FSIP1: variants seen among roughly 807,000 people sequenced by gnomAD.
The protein encoded by FSIP1 is fibrous sheath interacting protein 1.
In FSIP1, 65 loss-of-function variants were observed where a neutral mutation model predicts 60.9. That is an observed-to-expected ratio of 1.07 (90% CI 0.87 to 1.31). FSIP1 has a LOEUF of 1.31. Ranked by LOEUF, FSIP1 falls within the 40% of genes most tolerant of loss-of-function variation. The pLI is 0.00. For missense variants in FSIP1, 675 were observed against 665.5 expected (o/e 1.01, Z -0.16); for synonymous variants, 209 against 221.2 (o/e 0.94, Z 0.49).
Position 39,726,232 on chromosome 15 carries a change from A to G in FSIP1, c.1050+357T>C, listed in dbSNP as rs115006678. 3.4e-3 allele frequency among the ~76,000 whole-genome samples: 511 copies of G among 152,288 alleles called. 3 individuals carry two copies. The highest frequency in any genetic ancestry group is 0.012 in the African/African-American group (478 of 41,548). On this transcript the variant is annotated intron_variant, in intron 9 of 11. Transcript: ENST00000350221. ...AAAAGAATGTGGTGGAGTAAGGGAC[A>G]ATGGCTGTCATTGCTAATACCTAGT...
chr15:39,680,074 T>C (rs1189985287), intron 10 of FSIP1, among the ~76,000 whole-genome samples: 1 of 152,130 alleles, frequency 6.6e-6, no homozygotes, highest in African/African-American at 2.4e-5. Context: ...ATGCCAGTGA[T>C]AGAACTGGGG....
chr15:39,712,238 A>G (rs1163081927), intron 10 of FSIP1, among the ~76,000 whole-genome samples: 1 of 152,150 alleles, frequency 6.6e-6, no homozygotes, highest in Non-Finnish European at 1.5e-5. Context: ...AGGGCAGTTC[A>G]GCTGGGCTTG....
In FSIP1 at chr15:39,776,445, G is replaced by C; in HGVS notation, c.80C>G (p.Ser27Ter). ...NSRIRPGSRS[S>*]NASLEVLSTE... ...TGAGAGCACCTCCAAAGAAGCATTT[G>C]AACTTCTGCTCCCAGGGCGTATTCT... The change falls in exon 2 of 12, where the codon TCA (serine) becomes TGA (stop). Residue 27 changes from serine (S) to a stop codon, truncating the protein, a stop_gained. Transcript: ENST00000350221. LOFTEE classifies it high-confidence loss of function. 1 of 1,613,738 alleles carries C rather than the reference G, an allele frequency of 6.2e-7. No individual in the cohort carries two copies. The highest frequency in any genetic ancestry group is 1.3e-5 in the African/African-American group (1 of 75,028).
At chr15:39,750,219 G>A (rs1022066279) in intron 5 of FSIP1, among the ~76,000 whole-genome samples, 1 of 151,822 alleles carries the variant, frequency 6.6e-6, no homozygotes, top group African/African-American at 2.4e-5. Context: ...ATTCAATATT[G>A]TGATAATGTC....
intron 9 of FSIP1, among the ~76,000 whole-genome samples, chr15:39,715,788 A>G (rs1073675): frequency 0.12 from 18,880 of 152,042 alleles, 1,394 homozygotes; most frequent in African/African-American, 0.2. Flanking sequence ...ATCCCTCAGT[A>G]CTGCTCTCAT....
intron 10 of FSIP1, among the ~76,000 whole-genome samples, chr15:39,695,405 A>C (rs1374332052): frequency 1.3e-5 from 2 of 151,834 alleles, no homozygotes; most frequent in South Asian, 4.2e-4. Flanking sequence ...TTTTCTTGCC[A>C]AAGTATCACA....
chr15:39,725,786 A>AT (rs201621001), intron 9 of FSIP1, among the ~76,000 whole-genome samples: 3,747 of 143,444 alleles, frequency 0.026, 105 homozygotes, highest in African/African-American at 0.072. Context: ...CTTCTACCAG[A>AT]TTTTTTTTTT....
chr15:39,653,667 T>C (rs1892962868), intron 10 of FSIP1, among the ~76,000 whole-genome samples: 1 of 152,180 alleles, frequency 6.6e-6, no homozygotes, highest in Admixed American at 6.5e-5. Context: ...TCCCATGATG[T>C]TCTCATAACA....
At chr15:39,598,683 A>G (rs1191834511), downstream of FSIP1, 1 of 152,198 alleles carries the variant, frequency 6.6e-6, no homozygotes, top group African/African-American at 2.4e-5. Context: ...ACTTGTTAAA[A>G]ATTAAAATTA....
rs1456404585 is a variant in FSIP1 at position 39,600,891 on chromosome 15, T to C, written c.1735A>G (p.Lys579Glu). The part of the protein sequence containing the change: ...QETKDAAEEC[K>E]EP ...CAGCAAGTCCTTGATTAGGGTTCTT[T>C]ACATTCTTCTGCTGCATCTTTAGTC... Residue 579 changes from lysine to glutamate, a missense_variant, in exon 12 of 12, where the codon AAA becomes GAA. By Grantham distance (56) the Lys-to-Glu change is moderately conservative. Coordinates refer to ENST00000350221, the MANE Select transcript of FSIP1 (RefSeq NM_152597.5). The C allele has an allele frequency of 1.9e-6, 3 of 1,610,136 alleles. No individual in the cohort carries two copies. Among genetic ancestry groups the C allele is most frequent in the East Asian group, 2.2e-5 (1 of 44,752 alleles).
At chr15:39,654,599 C>G (rs11631820) in intron 10 of FSIP1, among the ~76,000 whole-genome samples, 87,054 of 152,140 alleles carry the variant, frequency 0.57, 26,546 homozygotes, top group Non-Finnish European at 0.7. Flanking sequence ...CCAGTCAGAG[C>G]AAAGACAACC....
At chr15:39,599,849 T>C (rs945226501), downstream of FSIP1, among the ~76,000 whole-genome samples, 4 of 152,212 alleles carry the variant, frequency 2.6e-5, no homozygotes, top group Non-Finnish European at 5.9e-5. Flanking sequence ...GCATGAACAA[T>C]TGCTATTTTA....
intron 10 of FSIP1, among the ~76,000 whole-genome samples, chr15:39,679,070 T>C (rs1185947958): frequency 6.6e-6 from 1 of 152,206 alleles, no homozygotes; most frequent in Non-Finnish European, 1.5e-5. Context: ...CAGAGTTTAC[T>C]AAGCTGTTTA....
intron 5 of FSIP1, among the ~76,000 whole-genome samples, chr15:39,753,899 A>G (rs982349558): frequency 1.3e-5 from 2 of 152,060 alleles, no homozygotes; most frequent in Admixed American, 6.6e-5. Context: ...TATAAATATG[A>G]TGGGCTAAAC....
At chr15:39,620,879 T>C (rs986327305) in intron 10 of FSIP1, among the ~76,000 whole-genome samples, 52 of 151,214 alleles carry the variant, frequency 3.4e-4, no homozygotes, top group African/African-American at 1.2e-3. Flanking sequence ...TTGTTAAGAT[T>C]ACAGGCGTGA....
At chr15:39,749,034 C>CA (rs1897082517) in intron 5 of FSIP1, among the ~76,000 whole-genome samples, 1 of 151,528 alleles carries the variant, frequency 6.6e-6, no homozygotes, top group African/African-American at 2.4e-5. Flanking sequence ...AATTATGTGT[C>CA]AAAAAATTTG....
At chr15:39,644,576 G>T (rs538790821) in intron 10 of FSIP1, among the ~76,000 whole-genome samples, 1 of 152,288 alleles carries the variant, frequency 6.6e-6, no homozygotes, top group South Asian at 2.1e-4. Flanking sequence ...TGGTCTCCAA[G>T]AACTCATGAG....
chr15:39,766,928 C>T (rs1025206280), intron 3 of FSIP1, among the ~76,000 whole-genome samples: 6 of 152,122 alleles, frequency 3.9e-5, no homozygotes, highest in African/African-American at 1.2e-4. Context: ...CAACCTCGAA[C>T]GCCTGGGCTC....
At chr15:39,741,321 A>G (rs534212828) in intron 6 of FSIP1, among the ~76,000 whole-genome samples, 1 of 152,306 alleles carries the variant, frequency 6.6e-6, no homozygotes, top group South Asian at 2.1e-4. Flanking sequence ...CCAGTCTGGT[A>G]TTGACATAGC....
Sources: allele counts gnomAD v4.1 joint callset (sites outside exome capture counted in the v4.1 genomes callset), GRCh38; gene constraint gnomAD v4.1.1; transcripts MANE v1.5; gene names NCBI Gene and HGNC (gene_info 2026-07-23, HGNC 2026-07-21).